The following FGD5 variants were observed in gnomAD, a reference collection of about 807,000 sequenced individuals.
The protein encoded by FGD5 is FYVE, RhoGEF and PH domain-containing protein 5.
In FGD5, 28 loss-of-function variants were observed where a neutral mutation model predicts 133.4. The observed-to-expected ratio is 0.21, with a 90% CI of 0.16 to 0.29. The LOEUF (loss-of-function observed/expected upper bound fraction) is 0.29, where lower values mean the gene tolerates loss of function less well. Among genes scored for constraint, FGD5 ranks in the 10% least tolerant of loss-of-function variants. The probability of loss-of-function intolerance (pLI) is 1.00; values close to 1 mark genes in which losing one functional copy is unlikely to be tolerated. For synonymous variants in FGD5, 810 were observed against 776.5 expected (o/e 1.04, Z -0.72); for missense variants, 1,858 against 1,895.2 (o/e 0.98, Z 0.36).
chr3:14,812,022 GTGTGTGTGTATGTA>G (rs1382962584), intron 1 of FGD5, among the ~76,000 whole-genome samples: 1 of 100,838 alleles, frequency 9.9e-6, no homozygotes, highest in Non-Finnish European at 2.2e-5. Context: ...GTGTGTGTGT[GTGTGTGTGTATGTA>G]TGTGTGTGTG....
chr3:14,933,158 T>C lies in FGD5; in HGVS notation c.4380T>C (p.Ser1460=). The C allele has an allele frequency of 1.2e-6, 2 of 1,613,588 alleles. No individual in the cohort carries two copies. Among genetic ancestry groups the C allele is most frequent in the East Asian group, 2.2e-5 (1 of 44,884 alleles). ...GGATCGAGGCCATGGAAGATGCGAG[T>C]GTGTTATAGCAGTTATCAAGCATGT... The part of the protein sequence containing the change: ...QRWIEAMEDA[S]VL The change falls in exon 20 of 20, where the codon AGT becomes AGC. Residue 1460 remains serine, a synonymous_variant. Transcript: ENST00000285046.
intron 18 of FGD5, among the ~76,000 whole-genome samples, chr3:14,927,972 T>G (rs970485716): frequency 2.7e-5 from 4 of 148,588 alleles, no homozygotes; most frequent in Non-Finnish European, 5.9e-5. Flanking sequence ...AGATGGAGAC[T>G]CACTCTGTCA....
chr3:14,914,108 A>T (rs1656449), intron 11 of FGD5, among the ~76,000 whole-genome samples: 7,614 of 152,244 alleles, frequency 0.05, 299 homozygotes, highest in East Asian at 0.2. Flanking sequence ...AGCAGTGTTG[A>T]TAACTCTCTA....
At chr3:14,902,736 G>C (rs987145269) in intron 9 of FGD5, among the ~76,000 whole-genome samples, 6 of 152,126 alleles carry the variant, frequency 3.9e-5, no homozygotes, top group African/African-American at 9.7e-5. Flanking sequence ...GGTGCTTTGG[G>C]GTCCAGCACC....
chr3:14,831,789 C>T (rs1240464964), intron 1 of FGD5, among the ~76,000 whole-genome samples: 1 of 152,162 alleles, frequency 6.6e-6, no homozygotes, highest in Non-Finnish European at 1.5e-5. Context: ...CAATTATTGT[C>T]AGCTGTGTGG....
intron 18 of FGD5, 23 bp downstream of exon 18, chr3:14,926,221 C>T (rs772290083): frequency 1.2e-6 from 2 of 1,611,514 alleles, no homozygotes; most frequent in South Asian, 2.2e-5. Context: ...TGCACTCTCT[C>T]CCCTCTCCTC....
At chr3:14,926,927 C>G (rs774836595) in intron 18 of FGD5, among the ~76,000 whole-genome samples, 9 of 152,138 alleles carry the variant, frequency 5.9e-5, no homozygotes, top group African/African-American at 1.2e-4. Context: ...CTGGGATATG[C>G]ATGTCAGGGC....
chr3:14,841,754 G>T (rs941865087), intron 1 of FGD5, among the ~76,000 whole-genome samples: 5 of 152,072 alleles, frequency 3.3e-5, no homozygotes, highest in Admixed American at 6.6e-5. Context: ...CAGTGTGAGT[G>T]GGGGGTTCCT....
chr3:14,926,243 A>G (rs1403559052), intron 18 of FGD5, 45 bp downstream of exon 18: 2 of 1,607,726 alleles, frequency 1.2e-6, no homozygotes, highest in Non-Finnish European at 1.7e-6. Flanking sequence ...CTCCTGTGAA[A>G]TGACCCCCTG....
Position 14,820,502 on chromosome 3 carries a change from C to T in FGD5, c.1431C>T (p.Asn477=), listed in dbSNP as rs761640693. The part of the protein sequence containing the change: ...EGGLVPADRK[N]TSTRVRPHSG... ...GCCTGGTTCCCGCGGACAGGAAGAA[C>T]ACCAGCACGAGGGTCCGGCCCCACT... is the stretch of plus-strand genomic sequence containing the variant. The change falls in exon 1 of 20, where the codon AAC becomes AAT. Residue 477 remains asparagine (N), a synonymous_variant. Transcript: ENST00000285046. 1.2e-6 allele frequency: 2 copies of T among 1,613,958 alleles called. No homozygotes were observed. Among genetic ancestry groups the T allele is most frequent in the Non-Finnish European group, 1.7e-6 (2 of 1,179,874 alleles).
At chr3:14,880,047 G>A (rs1257894545) in intron 2 of FGD5, among the ~76,000 whole-genome samples, 1 of 152,142 alleles carries the variant, frequency 6.6e-6, no homozygotes, top group Non-Finnish European at 1.5e-5. Flanking sequence ...GTTAGGTGCT[G>A]TTAAAATCTG....
rs1369469859 is a variant in FGD5 at position 14,844,213 on chromosome 3, AAAAAATATATATATAT to A, written c.2526-19913_2526-19898del. The stretch of plus-strand genomic sequence containing the variant: ...ACATCTTAATAGGCATTAAAAAAAA[AAAAAATATATATATAT>A]ATATATATATATATATATATATATA... On this transcript the variant is annotated intron_variant, in intron 1 of 19. Transcript: ENST00000285046. 6.1e-4 allele frequency among the ~76,000 whole-genome samples: 20 copies of A among 32,646 alleles called. 1 individual carries two copies. Among genetic ancestry groups the A allele is most frequent in the African/African-American group, 1.6e-3 (15 of 9,396 alleles). 21.4% of individuals were successfully genotyped at this position (32,646 alleles called of 152,430 possible). A position where few individuals can be genotyped will look rare whatever the true frequency, so the allele number is the denominator to read the frequency against.
intron 1 of FGD5, among the ~76,000 whole-genome samples, chr3:14,855,668 T>C (rs1411395840): frequency 6.6e-6 from 1 of 151,870 alleles, no homozygotes; most frequent in African/African-American, 2.4e-5. Flanking sequence ...TTTTGAGAAA[T>C]GTCTATTCAT....
chr3:14,826,039 T>C (rs2036591620), intron 1 of FGD5, among the ~76,000 whole-genome samples: 2 of 152,236 alleles, frequency 1.3e-5, no homozygotes, highest in Admixed American at 6.5e-5. Context: ...GTCCTAAATA[T>C]CTCATTTAAA....
chr3:14,911,082 T>C (rs2125144484), intron 11 of FGD5, among the ~76,000 whole-genome samples, 153 bp downstream of exon 11: 1 of 152,270 alleles, frequency 6.6e-6, no homozygotes, highest in South Asian at 2.1e-4. Flanking sequence ...GCTGAGAGCT[T>C]CACCCTTGGA....
chr3:14,932,475 C>A, intron 18 of FGD5, 102 bp from the exon 19 acceptor site: 5 of 1,380,076 alleles, frequency 3.6e-6, no homozygotes, highest in Non-Finnish European at 4.9e-6. Flanking sequence ...CAAAGCACAC[C>A]CCACACAGAG....
chr3:14,862,819 A>G (rs1378066952), intron 1 of FGD5, among the ~76,000 whole-genome samples: 1 of 152,008 alleles, frequency 6.6e-6, no homozygotes, highest in Non-Finnish European at 1.5e-5. Context: ...AGGCAGAGAC[A>G]GGCCACCTTG....
chr3:14,883,398 A>T lies in FGD5; in HGVS notation c.2748+2626A>T, dbSNP rs543345294. Among the ~76,000 whole-genome samples the T allele has an allele frequency of 3.9e-5, 6 of 152,190 alleles. No homozygotes were observed. In the South Asian group the frequency reaches 1.2e-3, roughly 32 times the overall value. ...ACTTTCCTCACCTGCGCATCTGTCA[A>T]TCTCTACCCGTCCACCTAGCCAGCC... On this transcript the variant is annotated intron_variant, in intron 4 of 19. Coordinates refer to ENST00000285046, the MANE Select transcript of FGD5 (RefSeq NM_152536.4).
chr3:14,876,990 C>A (rs1169517502), intron 2 of FGD5, among the ~76,000 whole-genome samples: 1 of 152,222 alleles, frequency 6.6e-6, no homozygotes, highest in Non-Finnish European at 1.5e-5. Flanking sequence ...AGGCCAGTAG[C>A]CCTGGGGACA....
Sources: gnomAD v4.1 joint callset for allele counts (sites outside exome capture counted in the v4.1 genomes callset) on GRCh38, gnomAD v4.1.1 for gene constraint, MANE v1.5 for transcripts, NCBI Gene and HGNC (gene_info 2026-07-23, HGNC 2026-07-21) for gene names.